The following ADGRG4 variants were observed in gnomAD, a reference collection of about 807,000 sequenced individuals.
ADGRG4 encodes adhesion G protein-coupled receptor G4.
A neutral mutation model predicts 126.2 loss-of-function variants in ADGRG4; 122 were observed. That is an observed-to-expected ratio of 0.97 (90% CI 0.83 to 1.12). The LOEUF (loss-of-function observed/expected upper bound fraction) is 1.12, where lower values mean the gene tolerates loss of function less well. ADGRG4 is among the 50% of genes most tolerant of loss of function. The pLI, the probability that ADGRG4 is intolerant of heterozygous loss-of-function variation, is 0.00. For synonymous variants in ADGRG4, 943 were observed against 838.7 expected (o/e 1.12, Z -2.15); for missense variants, 2,481 against 2,251.8 (o/e 1.10, Z -2.06).
intron 6 of ADGRG4, among the ~76,000 whole-genome samples, chrX:136,351,130 A>G (rs1381567682): frequency 8.9e-6 from 1 of 111,995 alleles, no homozygotes; most frequent in Non-Finnish European, 1.9e-5. Flanking sequence ...GATAATGTTC[A>G]GTTTGGCCAT....
At chrX:136,382,388 A>G (rs1396787180) in intron 15 of ADGRG4, among the ~76,000 whole-genome samples, 1 of 112,530 alleles carries the variant, frequency 8.9e-6, no homozygotes, top group Non-Finnish European at 1.9e-5. Context: ...ACATGTTTTT[A>G]ACAAAAGAAG....
chrX:136,398,908 A>C (rs1354668255), intron 20 of ADGRG4, among the ~76,000 whole-genome samples: 1 of 112,457 alleles, frequency 8.9e-6, no homozygotes, highest in Non-Finnish European at 1.9e-5. Flanking sequence ...TAGATGAATA[A>C]ATTGTGATAT....
chrX:136,411,169 C>A (rs892992586), intron 23 of ADGRG4, among the ~76,000 whole-genome samples: 1 of 111,238 alleles, frequency 9.0e-6, no homozygotes, highest in Non-Finnish European at 1.9e-5. Context: ...TGATTCTCAG[C>A]CTCCCAAGTA....
chrX:136,360,227 G>C (rs1280531760), intron 11 of ADGRG4, among the ~76,000 whole-genome samples: 1 of 111,402 alleles, frequency 9.0e-6, no homozygotes. Flanking sequence ...ATGGAGACTG[G>C]GATAGCTGAG....
At chrX:136,337,349 T>C (rs1423171576) in intron 5 of ADGRG4, among the ~76,000 whole-genome samples, 3 of 112,256 alleles carry the variant, frequency 2.7e-5, no homozygotes, top group African/African-American at 6.5e-5. Flanking sequence ...ATAAAGCTCA[T>C]GAGGAAAAGG....
chrX:136,355,057 T>C (rs2075085026), intron 8 of ADGRG4, among the ~76,000 whole-genome samples: 1 of 111,703 alleles, frequency 9.0e-6, no homozygotes, highest in Non-Finnish European at 1.9e-5. Flanking sequence ...GAAGAAAGAT[T>C]AGAGTTCCGC....
At chrX:136,328,969 A>C (rs779789039) in intron 5 of ADGRG4, among the ~76,000 whole-genome samples, 59 of 111,636 alleles carry the variant, frequency 5.3e-4, no homozygotes, top group African/African-American at 1.8e-3. Flanking sequence ...CAGAGATAGA[A>C]GCTCTAGCCT....
At chrX:136,334,108 CTTTCTTTCT>C in intron 5 of ADGRG4, among the ~76,000 whole-genome samples, 1 of 37,974 alleles carries the variant, frequency 2.6e-5, no homozygotes, top group Admixed American at 3.0e-4. Context: ...TTCTTTCTTT[CTTTCTTTCT>C]TTCTTTCTTT....
At chrX:136,385,278 A>G (rs1247744972) in intron 15 of ADGRG4, among the ~76,000 whole-genome samples, 1 of 111,613 alleles carries the variant, frequency 9.0e-6, no homozygotes, top group Non-Finnish European at 1.9e-5. Context: ...TACTCTTGCC[A>G]CAAAAACAAC....
chrX:136,338,161 C>CT (rs370805966), intron 5 of ADGRG4, among the ~76,000 whole-genome samples: 426 of 93,411 alleles, frequency 4.6e-3, no homozygotes, highest in African/African-American at 0.011. Flanking sequence ...CACTTGGTTC[C>CT]TTTTTTTTTT....
intron 5 of ADGRG4, among the ~76,000 whole-genome samples, chrX:136,338,437 C>G (rs1455234062): frequency 9.0e-6 from 1 of 111,290 alleles, no homozygotes; most frequent in East Asian, 2.8e-4. Context: ...CATGAGCCAC[C>G]AAGCCTGGCC....
At chrX:136,331,116 A>G (rs775253426) in intron 5 of ADGRG4, among the ~76,000 whole-genome samples, 102 of 111,233 alleles carry the variant, frequency 9.2e-4, no homozygotes, top group Admixed American at 3.1e-3. Context: ...TTCTGTGCTT[A>G]GCTTATTTCA....
At chrX:136,405,555 G>A in intron 22 of ADGRG4, 137 bp from the exon 23 acceptor site, 1 of 403,303 alleles carries the variant, frequency 2.5e-6, no homozygotes, top group African/African-American at 2.5e-5. Flanking sequence ...CAGTTGGTAT[G>A]AGTGAACTCT....
Position 136,345,485 on chromosome X carries a change from A to AG in ADGRG4, c.1780dup (p.Val594GlyfsTer3). ...CTCCTGAAATCACACTTGCATCTAC[A>AG]GTGGCTGAAACTATGCTTTCCTCCA... On this transcript the variant is annotated frameshift_variant, in exon 6 of 26. Coordinates refer to ENST00000394143, the MANE Select transcript of ADGRG4 (RefSeq NM_153834.4). LOFTEE classifies it high-confidence loss of function. 2 of 1,211,114 alleles carry AG rather than the reference A, an allele frequency of 1.7e-6. No individual in the cohort carries two copies. Among genetic ancestry groups the AG allele is most frequent in the Non-Finnish European group, 2.2e-6 (2 of 895,099 alleles).
chrX:136,322,733 G>A, intron 4 of ADGRG4, 45 bp from the exon 5 acceptor site: 2 of 1,118,895 alleles, frequency 1.8e-6, no homozygotes, highest in Non-Finnish European at 2.4e-6. Context: ...ATTTTTAACA[G>A]AAATTTCATT....
intron 21 of ADGRG4, among the ~76,000 whole-genome samples, chrX:136,400,356 C>T (rs1172287008): frequency 2.7e-5 from 3 of 111,736 alleles, no homozygotes; most frequent in African/African-American, 6.5e-5. Flanking sequence ...TAAGTGCTGG[C>T]TCTATAGTAG....
chrX:136,319,740 TATCTATCTATC>T (rs2074827981), intron 4 of ADGRG4, among the ~76,000 whole-genome samples: 1 of 108,125 alleles, frequency 9.2e-6, no homozygotes, highest in Non-Finnish European at 1.9e-5. Context: ...TCTATCTATC[TATCTATCTATC>T]ATCTATCTAT....
At position 136,347,526 on chromosome X, in the gene ADGRG4, G is replaced by T; in HGVS notation, c.3820G>T (p.Val1274Leu). Residue 1274 changes from valine to leucine, a missense_variant, in exon 6 of 26, where the codon GTG becomes TTG. Transcript: ENST00000394143. ...GGGAAAAACCCCTAGAACTATGGAG[G>T]TGACAGAAATGTCCCCATCAAAGAA... ...SLGKTPRTME[V>L]TEMSPSKNSF... The T allele has an allele frequency of 8.3e-7, 1 of 1,209,581 alleles. No individual in the cohort carries two copies. The highest frequency in any genetic ancestry group is 1.1e-6 in the Non-Finnish European group (1 of 894,104).
intron 4 of ADGRG4, among the ~76,000 whole-genome samples, chrX:136,313,731 G>A (rs943912004): frequency 1.3e-4 from 15 of 111,776 alleles, no homozygotes; most frequent in African/African-American, 4.9e-4. Context: ...TGAAAAGTAG[G>A]TCTGAAACAG....
Sources: gnomAD v4.1 joint callset for allele counts (sites outside exome capture counted in the v4.1 genomes callset) on GRCh38, gnomAD v4.1.1 for gene constraint, MANE v1.5 for transcripts, NCBI Gene and HGNC (gene_info 2026-07-23, HGNC 2026-07-21) for gene names.